TNFAIP8: variants seen among roughly 807,000 people sequenced by gnomAD.
The protein encoded by TNFAIP8 is TNF alpha induced protein 8.
A neutral mutation model predicts 13.3 loss-of-function variants in TNFAIP8; 7 were observed. The observed-to-expected ratio is 0.52, with a 90% confidence interval of 0.30 to 0.99. The LOEUF (loss-of-function observed/expected upper bound fraction) is 0.99, where lower values mean the gene tolerates loss of function less well. Ranked by LOEUF, TNFAIP8 falls within the 50% of genes least tolerant of loss-of-function variation. The pLI is 0.07. For synonymous variants in TNFAIP8, 94 were observed against 87.6 expected (o/e 1.07, Z -0.41); for missense variants, 258 against 236.9 (o/e 1.09, Z -0.58).
At chr5:119,371,711 C>T (rs1752080016) in intron 1 of TNFAIP8, among the ~76,000 whole-genome samples, 1 of 152,198 alleles carries the variant, frequency 6.6e-6, no homozygotes, top group Admixed American at 6.5e-5. Context: ...AAGATACTTT[C>T]TGCCTTTTGT....
intron 1 of TNFAIP8, among the ~76,000 whole-genome samples, chr5:119,300,264 A>C (rs1207815216): frequency 6.6e-6 from 1 of 152,182 alleles, no homozygotes; most frequent in Non-Finnish European, 1.5e-5. Context: ...TGCCACCCCC[A>C]GTACCTTCTT....
chr5:119,386,865 T>C (rs1752695119), intron 1 of TNFAIP8, among the ~76,000 whole-genome samples: 1 of 152,202 alleles, frequency 6.6e-6, no homozygotes. Context: ...CTCTAGTTGA[T>C]AAGATTGCCT....
At chr5:119,301,836 C>T (rs1430189672) in intron 1 of TNFAIP8, among the ~76,000 whole-genome samples, 1 of 152,176 alleles carries the variant, frequency 6.6e-6, no homozygotes, top group African/African-American at 2.4e-5. Flanking sequence ...CAAGTGCCAA[C>T]CCAGATACTG....
intron 1 of TNFAIP8, among the ~76,000 whole-genome samples, chr5:119,364,976 C>T (rs1035727698): frequency 2.0e-5 from 3 of 151,198 alleles, no homozygotes; most frequent in East Asian, 1.9e-4. Flanking sequence ...CTCAGCCTCC[C>T]GAGTAGCTGG....
At chr5:119,284,536 C>T (rs1035757448) in intron 1 of TNFAIP8, among the ~76,000 whole-genome samples, 7 of 152,012 alleles carry the variant, frequency 4.6e-5, no homozygotes, top group Non-Finnish European at 7.4e-5. Flanking sequence ...CAAAAATTAG[C>T]CCGGCATGGT....
chr5:119,385,186 TAGAAGATG>T (rs1242872913), intron 1 of TNFAIP8, among the ~76,000 whole-genome samples: 2 of 152,226 alleles, frequency 1.3e-5, no homozygotes, highest in African/African-American at 4.8e-5. Context: ...ACCTCCAGTG[TAGAAGATG>T]AGAAAACTGT....
In TNFAIP8 at chr5:119,393,646, A is replaced by G. The variant is rs1200035714; in HGVS notation, c.*265A>G. On this transcript the variant is annotated 3_prime_UTR_variant, in exon 2 of 2. Coordinates refer to ENST00000504771, the MANE Select transcript of TNFAIP8 (RefSeq NM_014350.4). ...TTGGGTAATGCAAATGTAGTTATAC[A>G]AAGAAAAATACAGATGTCTCCAGAC... 4.9e-6 allele frequency: 2 copies of G among 407,236 alleles called. No homozygotes were observed. The highest frequency in any genetic ancestry group is 4.6e-5 in the East Asian group (1 of 21,928). 25.2% of individuals were successfully genotyped at this position (407,236 alleles called of 1,614,324 possible). A position where few individuals can be genotyped will look rare whatever the true frequency, so the allele number is the denominator to read the frequency against.
intron 1 of TNFAIP8, among the ~76,000 whole-genome samples, chr5:119,296,421 A>T (rs1040259853): frequency 1.1e-4 from 17 of 151,526 alleles, no homozygotes; most frequent in Non-Finnish European, 2.5e-4. Context: ...TATATGCTGG[A>T]TTACATTTAT....
At chr5:119,288,767 T>A (rs1189294074) in intron 1 of TNFAIP8, among the ~76,000 whole-genome samples, 1 of 152,356 alleles carries the variant, frequency 6.6e-6, no homozygotes, top group East Asian at 1.9e-4. Context: ...CAATGAGGTG[T>A]GTTTAACATA....
intron 1 of TNFAIP8, among the ~76,000 whole-genome samples, chr5:119,368,370 TC>T (rs1751945601): frequency 7.3e-6 from 1 of 137,692 alleles, no homozygotes; most frequent in African/African-American, 3.5e-5. Flanking sequence ...TTCCCTCCTG[TC>T]TGTTAAAAAA....
At chr5:119,283,726 C>A (rs1353324163) in intron 1 of TNFAIP8, among the ~76,000 whole-genome samples, 1 of 152,090 alleles carries the variant, frequency 6.6e-6, no homozygotes, top group Non-Finnish European at 1.5e-5. Context: ...TGTGGCTGGG[C>A]CTGTGGGAGG....
chr5:119,298,916 G>A (rs1281650122), intron 1 of TNFAIP8, among the ~76,000 whole-genome samples: 1 of 152,120 alleles, frequency 6.6e-6, no homozygotes, highest in Non-Finnish European at 1.5e-5. Flanking sequence ...TGAGGCTTCT[G>A]CATTCTTCAT....
chr5:119,359,469 G>A (rs1751554108), intron 1 of TNFAIP8, among the ~76,000 whole-genome samples: 1 of 152,044 alleles, frequency 6.6e-6, no homozygotes, highest in East Asian at 1.9e-4. Flanking sequence ...ATTCCCCGCT[G>A]TATGTCTAGG....
At chr5:119,375,104 T>C (rs780440866) in intron 1 of TNFAIP8, among the ~76,000 whole-genome samples, 3 of 152,212 alleles carry the variant, frequency 2.0e-5, no homozygotes, top group Non-Finnish European at 4.4e-5. Context: ...AGCCAAAACA[T>C]GTTGCCTGCC....
intron 1 of TNFAIP8, among the ~76,000 whole-genome samples, chr5:119,296,133 A>G (rs1475129312): frequency 6.0e-5 from 9 of 149,002 alleles, no homozygotes; most frequent in Non-Finnish European, 1.2e-4. Flanking sequence ...TCTCCTGCCT[A>G]ATTGCCCTGG....
intron 1 of TNFAIP8, among the ~76,000 whole-genome samples, chr5:119,349,020 G>A (rs1054748865): frequency 6.6e-6 from 1 of 152,042 alleles, no homozygotes; most frequent in African/African-American, 2.4e-5. Flanking sequence ...TTGGTCAGAT[G>A]TGATGTCGTG....
chr5:119,353,033 A>G (rs1362880743), upstream of TNFAIP8, among the ~76,000 whole-genome samples: 2 of 152,214 alleles, frequency 1.3e-5, no homozygotes, highest in Non-Finnish European at 2.9e-5. Flanking sequence ...CACTTGCAGG[A>G]GTTCAACATA....
At chr5:119,353,208 C>T (rs79100932), upstream of TNFAIP8, among the ~76,000 whole-genome samples, 1,078 of 152,250 alleles carry the variant, frequency 7.1e-3, 2 homozygotes, top group Non-Finnish European at 0.012. Context: ...TCAACAAGTC[C>T]CACCTACAGG....
rs1405216040 is a variant in TNFAIP8 at position 119,399,155 on chromosome 5, T to TGGAAAC, written c.*5776_*5781dup. The stretch of plus-strand genomic sequence containing the variant: ...TGGAGAACATGGTGAAATCCACGAG[T>TGGAAAC]GGAAACGTTCCATGGTATTTTCAAA... On this transcript the variant is annotated 3_prime_UTR_variant, in exon 2 of 2. Coordinates refer to ENST00000504771, the MANE Select transcript of TNFAIP8 (RefSeq NM_014350.4). 6.6e-6 allele frequency: 1 copy of TGGAAAC among 152,100 alleles called. No homozygotes were observed. Among genetic ancestry groups the TGGAAAC allele is most frequent in the Non-Finnish European group, 1.5e-5 (1 of 68,032 alleles). 9.4% of individuals were successfully genotyped at this position (152,100 alleles called of 1,614,324 possible). A position where few individuals can be genotyped will look rare whatever the true frequency, so the allele number is the denominator to read the frequency against.
Sources: allele counts gnomAD v4.1 joint callset (sites outside exome capture counted in the v4.1 genomes callset), GRCh38; gene constraint gnomAD v4.1.1; transcripts MANE v1.5; gene names NCBI Gene and HGNC (gene_info 2026-07-23, HGNC 2026-07-21).